WT1: variants seen among roughly 807,000 people sequenced by gnomAD.
WT1 encodes WT1 transcription factor.
A neutral mutation model predicts 60.8 loss-of-function variants in WT1; 8 were observed. The ratio of observed to expected loss-of-function variants is 0.13; its 90% CI spans 0.08 to 0.24. The LOEUF (loss-of-function observed/expected upper bound fraction) is 0.24. WT1 is among the 10% of genes least tolerant of loss of function. WT1 has a pLI of 1.00. For synonymous variants in WT1, 312 were observed against 297.1 expected (o/e 1.05, Z -0.52); for missense variants, 568 against 711.8 (o/e 0.80, Z 2.30).
At chr11:32,426,523 C>G (rs1427420548) in intron 3 of WT1, among the ~76,000 whole-genome samples, 5 of 152,266 alleles carry the variant, frequency 3.3e-5, no homozygotes, top group Admixed American at 6.5e-5. Context: ...GCATGCCGCG[C>G]CTGTGGTGCA....
intron 1 of WT1, among the ~76,000 whole-genome samples, chr11:32,430,354 G>T (rs1853239144): frequency 1.3e-5 from 2 of 151,696 alleles, no homozygotes; most frequent in African/African-American, 4.9e-5. Context: ...TTGGCTCAGG[G>T]CACCCACTAT....
chr11:32,422,466 T>A (rs1852886248), intron 3 of WT1, among the ~76,000 whole-genome samples: 1 of 152,206 alleles, frequency 6.6e-6, no homozygotes, highest in South Asian at 2.1e-4. Context: ...GATTTTCTAC[T>A]AAGGGAAAAG....
At chr11:32,401,506 G>C (rs78610193) in intron 5 of WT1, among the ~76,000 whole-genome samples, 1 of 61,202 alleles carries the variant, frequency 1.6e-5, no homozygotes, top group Non-Finnish European at 3.0e-5. Context: ...AAAAATTATC[G>C]GGGGGGGGTG....
At chr11:32,407,024 G>A (rs983304021) in intron 5 of WT1, among the ~76,000 whole-genome samples, 12 of 151,966 alleles carry the variant, frequency 7.9e-5, no homozygotes, top group Admixed American at 2.0e-4. Flanking sequence ...GCTTGAATCC[G>A]GGAGGCAGAG....
intron 1 of WT1, among the ~76,000 whole-genome samples, chr11:32,433,528 A>G (rs1853378709): frequency 6.6e-6 from 1 of 152,204 alleles, no homozygotes; most frequent in South Asian, 2.1e-4. Flanking sequence ...GCATTCCAAA[A>G]ACATCCCGGT....
chr11:32,433,971 A>G (rs1323107617), intron 1 of WT1, among the ~76,000 whole-genome samples: 1 of 152,238 alleles, frequency 6.6e-6, no homozygotes, highest in Non-Finnish European at 1.5e-5. Flanking sequence ...CTGGTCCCGC[A>G]TAGCTTGGAC....
At chr11:32,407,538 C>A (rs947719425) in intron 5 of WT1, among the ~76,000 whole-genome samples, 1 of 152,172 alleles carries the variant, frequency 6.6e-6, no homozygotes, top group Non-Finnish European at 1.5e-5. Context: ...GCAGGCATCC[C>A]CCCATCTTCA....
intron 1 of WT1, among the ~76,000 whole-genome samples, chr11:32,434,255 T>C (rs1853409084): frequency 6.6e-6 from 1 of 152,232 alleles, no homozygotes; most frequent in African/African-American, 2.4e-5. Context: ...GCACAGGCGC[T>C]CACCCCCGCG....
intron 5 of WT1, among the ~76,000 whole-genome samples, chr11:32,407,677 A>G (rs2132992456): frequency 6.6e-6 from 1 of 152,206 alleles, no homozygotes; most frequent in African/African-American, 2.4e-5. Context: ...CTCGATACTC[A>G]GGGCTCATAC....
At chr11:32,411,900 A>G (rs1852510751) in intron 5 of WT1, among the ~76,000 whole-genome samples, 1 of 152,186 alleles carries the variant, frequency 6.6e-6, no homozygotes, top group Non-Finnish European at 1.5e-5. Flanking sequence ...AACTCTTTAA[A>G]TGGCATTAAA....
At chr11:32,410,349 C>T (rs754238184) in intron 5 of WT1, among the ~76,000 whole-genome samples, 1 of 152,184 alleles carries the variant, frequency 6.6e-6, no homozygotes, top group Non-Finnish European at 1.5e-5. Context: ...CTTCTCCCGA[C>T]CTTCTTTCCC....
At chr11:32,434,589 G>A in intron 1 of WT1, 111 bp downstream of exon 1, 3 of 1,561,842 alleles carry the variant, frequency 1.9e-6, no homozygotes, top group African/African-American at 1.4e-5. Context: ...CCCTTGGGAA[G>A]CAGCTGGGTA....
chr11:32,399,527 TAC>T (rs1852081894), intron 6 of WT1, among the ~76,000 whole-genome samples: 1 of 152,178 alleles, frequency 6.6e-6, no homozygotes, highest in Non-Finnish European at 1.5e-5. Flanking sequence ...CCATAGGCGG[TAC>T]AGTTAGTATG....
At chr11:32,434,045 G>A (rs1853398682) in intron 1 of WT1, among the ~76,000 whole-genome samples, 1 of 152,104 alleles carries the variant, frequency 6.6e-6, no homozygotes, top group African/African-American at 2.4e-5. Context: ...GCGAAGCCCA[G>A]TGAAGATCCA....
At chr11:32,409,277 G>A (rs1179148152) in intron 5 of WT1, among the ~76,000 whole-genome samples, 2 of 151,990 alleles carry the variant, frequency 1.3e-5, no homozygotes, top group African/African-American at 4.8e-5. Context: ...CTTGGGATGG[G>A]AAAAGTCTAA....
intron 5 of WT1, among the ~76,000 whole-genome samples, chr11:32,410,686 C>T (rs1460605520): frequency 1.3e-5 from 2 of 152,036 alleles, no homozygotes; most frequent in Non-Finnish European, 2.9e-5. Context: ...CTTTTATAAT[C>T]AAGGAGAAAA....
Position 32,399,984 on chromosome 11 carries a change from G to A in WT1, c.1077C>T (p.Tyr359=), listed in dbSNP as rs2132957763. The A allele has an allele frequency of 1.2e-6, 2 of 1,614,242 alleles. No homozygotes were observed. The highest frequency in any genetic ancestry group is 1.1e-5 in the South Asian group (1 of 91,084). The change falls in exon 6 of 10, where the codon TAC becomes TAT. Residue 359 remains tyrosine, a synonymous_variant. Transcript: ENST00000452863. ...TGAAGACACCGTGCGTGTGTATTCT[G>A]TATTGGGCTCCGCAGAGGATGGGCG...
intron 2 of WT1, 117 bp from the exon 3 acceptor site, chr11:32,428,175 T>C (rs1306577968): frequency 1.9e-6 from 2 of 1,026,576 alleles, no homozygotes; most frequent in African/African-American, 3.2e-5. Flanking sequence ...GGGGCCTGGA[T>C]GAGCGGCGTG....
chr11:32,390,118 T>C (rs1733510896), intron 9 of WT1, among the ~76,000 whole-genome samples: 2 of 152,164 alleles, frequency 1.3e-5, no homozygotes, highest in Non-Finnish European at 2.9e-5. Context: ...CTTCCCTGTA[T>C]CACACCTCCC....
Sources: gnomAD v4.1 joint callset for allele counts (sites outside exome capture counted in the v4.1 genomes callset) on GRCh38, gnomAD v4.1.1 for gene constraint, MANE v1.5 for transcripts, NCBI Gene and HGNC (gene_info 2026-07-23, HGNC 2026-07-21) for gene names.